The following TARS1 variants were observed in gnomAD, a reference collection of about 807,000 sequenced individuals.
TARS1 encodes threonine--tRNA ligase 1, cytoplasmic.
Under a neutral mutation model 97.7 loss-of-function variants are expected in TARS1, and 57 were observed. The observed-to-expected ratio is 0.58, with a 90% CI of 0.47 to 0.73. The LOEUF (loss-of-function observed/expected upper bound fraction) is 0.73, where lower values mean the gene tolerates loss of function less well. TARS1 is among the 30% of genes least tolerant of loss of function. The pLI is 0.00. For synonymous variants in TARS1, 312 were observed against 293.7 expected (o/e 1.06, Z -0.64); for missense variants, 806 against 888.3 (o/e 0.91, Z 1.18).
chr5:33,461,994 T>G lies in TARS1; in HGVS notation c.1718T>G (p.Leu573Arg). 6.2e-7 allele frequency: 1 copy of G among 1,613,734 alleles called. No homozygotes were observed. Among genetic ancestry groups the G allele is most frequent in the Non-Finnish European group, 8.5e-7 (1 of 1,179,660 alleles). Residue 573 changes from leucine to arginine, a missense_variant, in exon 15 of 19, where the codon CTT (leucine) becomes CGT (arginine). By Grantham distance (102) the Leu-to-Arg change is moderately radical. Coordinates refer to ENST00000265112, the MANE Select transcript of TARS1 (RefSeq NM_152295.5). ...TTCCAGTTGCCCATCAGATTTAATC[T>G]TACTTATGTAAGGTGAGTTTCTGGT... ...LDFQLPIRFN[L>R]TYVSHDGDDK... is the part of the protein sequence containing the mutation.
In TARS1 at chr5:33,462,186, A is replaced by G. The variant is rs772562413; in HGVS notation, c.1818A>G (p.Glu606=). 9 of 1,612,430 alleles carry G rather than the reference A, an allele frequency of 5.6e-6. No homozygotes were observed. Among genetic ancestry groups the G allele is most frequent in the Non-Finnish European group, 7.6e-6 (9 of 1,179,774 alleles). ...SVERMIAILT[E]NYGGKWPFWL... is the part of the protein sequence containing the mutation. ...AAAGAATGATTGCTATCCTCACAGA[A>G]AACTATGGGGGCAAATGGTAATTTT... Residue 606 remains glutamate (E), a synonymous_variant, in exon 16 of 19, where the codon GAA becomes GAG. Coordinates refer to ENST00000265112, the MANE Select transcript of TARS1 (RefSeq NM_152295.5).
chr5:33,460,000 A>G, intron 11 of TARS1, 139 bp downstream of exon 11: 4 of 829,394 alleles, frequency 4.8e-6, no homozygotes, highest in Non-Finnish European at 5.3e-6. Flanking sequence ...TCTTTGTATT[A>G]TATCTTCTGC....
intron 3 of TARS1, 68 bp from the exon 4 acceptor site, chr5:33,453,221 C>G: frequency 7.2e-7 from 1 of 1,383,434 alleles, no homozygotes; most frequent in Non-Finnish European, 9.4e-7. Flanking sequence ...GTTTATTTTC[C>G]TGTTTTCAAA....
At chr5:33,453,239 C>T (rs779315898) in intron 3 of TARS1, 50 bp from the exon 4 acceptor site, 28 of 1,456,860 alleles carry the variant, frequency 1.9e-5, no homozygotes, top group Middle Eastern at 1.9e-4. Flanking sequence ...AAATTAGATT[C>T]GTGTGTACTT....
At chr5:33,460,830 G>T (rs79826178) in intron 11 of TARS1, 72 bp from the exon 12 acceptor site, 1 of 1,554,418 alleles carries the variant, frequency 6.4e-7, no homozygotes, top group Non-Finnish European at 8.7e-7. Flanking sequence ...ACAACCTTTC[G>T]TGTAATTAAA....
In TARS1 at chr5:33,462,181, A is replaced by G. The variant is rs1209686861; in HGVS notation, c.1813A>G (p.Thr605Ala). Residue 605 changes from threonine to alanine, a missense_variant, in exon 16 of 19, where the codon ACA becomes GCA. By Grantham distance (58) the Thr-to-Ala change is moderately conservative (BLOSUM62 0). This residue lies in a region of TARS1 where 446 missense variants were observed against 511.0 expected (regional missense o/e 0.87). Coordinates refer to ENST00000265112, the MANE Select transcript of TARS1 (RefSeq NM_152295.5). ...GSVERMIAILTENYGGKWPFW... is the reference protein window; with the variant it reads ...GSVERMIAILAENYGGKWPFW... Reference sequence around the variant, plus strand: ...AGTGGAAAGAATGATTGCTATCCTCACAGAAAACTATGGGGGCAAATGGTA... The same window carrying G: ...AGTGGAAAGAATGATTGCTATCCTCGCAGAAAACTATGGGGGCAAATGGTA... 1 of 1,612,432 alleles carries G rather than the reference A, an allele frequency of 6.2e-7. No individual in the cohort carries two copies. The highest frequency in any genetic ancestry group is 2.2e-5 in the East Asian group (1 of 44,862).
intron 9 of TARS1, 128 bp downstream of exon 9, chr5:33,457,531 G>C (rs1319026437): frequency 1.0e-6 from 1 of 972,870 alleles, no homozygotes; most frequent in Non-Finnish European, 1.5e-6. Flanking sequence ...AGTAACTGGT[G>C]CTATGTCCTG....
rs566568940 is a variant in TARS1 at position 33,466,933 on chromosome 5, A to G, written c.1971A>G (p.Thr657=). The G allele has an allele frequency of 5.6e-6, 9 of 1,605,794 alleles. No homozygotes were observed. Among genetic ancestry groups the G allele is most frequent in the African/African-American group, 4.0e-5 (3 of 74,270 alleles). ...MADIDLDPGC[T]LNKKIRNAQL... is the part of the protein sequence containing the mutation. Reference sequence around the variant, plus strand: ...ACATTGATCTGGATCCAGGCTGTACATTGAATAAAAAGATTCGAAATGCAC... The same window carrying G: ...ACATTGATCTGGATCCAGGCTGTACGTTGAATAAAAAGATTCGAAATGCAC... The change falls in exon 18 of 19, where the codon ACA becomes ACG. Residue 657 remains threonine, a synonymous_variant. Transcript: ENST00000265112.
At position 33,440,997 on chromosome 5, in the gene TARS1, C is replaced by G. The variant is rs1221714096; in HGVS notation, c.-90C>G. 1 of 1,547,658 alleles carries G rather than the reference C, an allele frequency of 6.5e-7. No homozygotes were observed. The highest frequency in any genetic ancestry group is 1.7e-5 in the Admixed American group (1 of 58,350). ...TCAGCTGGTCCAGCCGAGGCCAAGT[C>G]CCGGGCGCTAGCCCACCTCCCACCC... On this transcript the variant is annotated 5_prime_UTR_variant, in exon 1 of 19. Transcript: ENST00000265112.
rs113761016 is a variant in TARS1, at chr5:33,463,679, G to A, written c.1836-74G>A. On this transcript the variant is annotated intron_variant, in intron 16 of 18. Coordinates refer to ENST00000265112, the MANE Select transcript of TARS1 (RefSeq NM_152295.5). ...TTCCAGGAAAAGATACTGAAGAGTAGAGTAAGAAATATGCTGTCCCTGTTT... is the reference window on the plus strand; with the variant it reads ...TTCCAGGAAAAGATACTGAAGAGTAAAGTAAGAAATATGCTGTCCCTGTTT... 2.0e-3 allele frequency: 2,526 copies of A among 1,295,340 alleles called. 54 individuals are homozygous for A. The African/African-American group carries it at 0.033, about 17-fold the overall frequency. The allele number at this position is 1,295,340 out of a possible 1,614,324, so 80.2% of individuals were successfully genotyped here. A position where few individuals can be genotyped will look rare whatever the true frequency, so the allele number is the denominator to read the frequency against.
rs886802224 is a variant in TARS1 at position 33,467,638 on chromosome 5, T to C, written c.2102T>C (p.Ile701Thr). ...AATAAGGTCCACGGGGAACGCACCA[T>C]TTCTGAAACTATCGAGCGGCTACAG... ...RDNKVHGERT[I>T]SETIERLQQL... The change falls in exon 19 of 19, where the codon ATT (isoleucine) becomes ACT (threonine). Residue 701 changes from isoleucine to threonine, a missense_variant. By Grantham distance (89) the Ile-to-Thr change is moderately conservative (BLOSUM62 -1). This residue lies in a region of TARS1 where 446 missense variants were observed against 511.0 expected (regional missense o/e 0.87). Transcript: ENST00000265112. The C allele has an allele frequency of 3.1e-6, 5 of 1,613,898 alleles. No individual in the cohort carries two copies. In the African/African-American group the frequency reaches 4.0e-5, roughly 13 times the overall value.
intron 17 of TARS1, among the ~76,000 whole-genome samples, chr5:33,465,424 G>C (rs1227071815): frequency 6.6e-6 from 1 of 152,322 alleles, no homozygotes; most frequent in Non-Finnish European, 1.5e-5. Flanking sequence ...CTATAGAGCA[G>C]ACATGTTAAA....
At chr5:33,461,788 G>C in intron 14 of TARS1, 44 bp downstream of exon 14, 1 of 1,601,162 alleles carries the variant, frequency 6.2e-7, no homozygotes, top group Non-Finnish European at 8.5e-7. Flanking sequence ...TTCACTTGTG[G>C]ATGAAGAAGA....
chr5:33,441,827 A>G (rs753598054), intron 1 of TARS1: 1 of 152,282 alleles, frequency 6.6e-6, no homozygotes, highest in Non-Finnish European at 1.5e-5. Flanking sequence ...GAATGATTTC[A>G]CCAGGTAAAC....
intron 10 of TARS1, among the ~76,000 whole-genome samples, chr5:33,459,246 TC>T (rs1742176814): frequency 6.6e-6 from 1 of 152,212 alleles, no homozygotes; most frequent in African/African-American, 2.4e-5. Context: ...TGGCATGGAT[TC>T]TTTTTGTCCA....
chr5:33,443,320 C>CCTCTCTCTCTCTCTCTCTCT (rs769681224), intron 1 of TARS1, among the ~76,000 whole-genome samples: 57 of 118,498 alleles, frequency 4.8e-4, no homozygotes, highest in South Asian at 1.1e-3. Context: ...TCTCTCTCTC[C>CCTCTCTCTCTCTCTCTCTCT]CTCTCTCTCT....
intron 2 of TARS1, chr5:33,446,607 G>A: frequency 8.4e-7 from 1 of 1,187,012 alleles, no homozygotes. Context: ...CCCCTCCAAG[G>A]GCAACTTGCA....
intron 3 of TARS1, among the ~76,000 whole-genome samples, chr5:33,449,075 A>T (rs1200475342): frequency 1.3e-5 from 2 of 152,164 alleles, no homozygotes; most frequent in Non-Finnish European, 2.9e-5. Context: ...AAGCTACATA[A>T]TCTCACATGG....
chr5:33,443,320 C>CCCTCT (rs1741221295), intron 1 of TARS1, among the ~76,000 whole-genome samples: 2 of 118,486 alleles, frequency 1.7e-5, no homozygotes, highest in African/African-American at 6.4e-5. Context: ...TCTCTCTCTC[C>CCCTCT]CTCTCTCTCT....
Sources: gnomAD v4.1 joint callset for allele counts (sites outside exome capture counted in the v4.1 genomes callset) on GRCh38, gnomAD v4.1.1 for gene constraint, gnomAD v4.1.1 regional missense constraint, MANE v1.5 for transcripts, NCBI Gene and HGNC (gene_info 2026-07-23, HGNC 2026-07-21) for gene names.